TTC39B: variants seen among roughly 807,000 people sequenced by gnomAD.
The protein encoded by TTC39B is tetratricopeptide repeat protein 39B.
A neutral mutation model predicts 96.6 loss-of-function variants in TTC39B; 92 were observed. The observed-to-expected ratio is 0.95, with a 90% CI of 0.80 to 1.13. The LOEUF is 1.13. Ranked by LOEUF, TTC39B falls within the 50% of genes most tolerant of loss-of-function variation. TTC39B has a pLI of 0.00. For missense variants in TTC39B, 955 were observed against 809.3 expected, an observed-to-expected ratio of 1.18 and a Z score of -2.18; for synonymous variants, 367 against 299.4, an observed-to-expected ratio of 1.23 and a Z score of -2.33.
At chr9:15,184,970 C>A (rs1262339425) in intron 16 of TTC39B, among the ~76,000 whole-genome samples, 2 of 152,104 alleles carry the variant, frequency 1.3e-5, no homozygotes, top group African/African-American at 4.8e-5. Context: ...TCAATGGAAT[C>A]AACTTCTTTC....
chr9:15,180,077 A>G (rs1818166455), intron 17 of TTC39B, among the ~76,000 whole-genome samples: 2 of 152,194 alleles, frequency 1.3e-5, no homozygotes, highest in Admixed American at 1.3e-4. Context: ...CATTCAAAGA[A>G]AATTACATGA....
chr9:15,190,625 C>G lies in TTC39B; in HGVS notation c.1034G>C (p.Gly345Ala), dbSNP rs142818054. ...GCACAGTGCAGACCTCATGCTCCTTCCTGAAGCACCTTCACGTAACTGCAG... is the reference window on the plus strand; with the variant it reads ...GCACAGTGCAGACCTCATGCTCCTTGCTGAAGCACCTTCACGTAACTGCAG... Residue 345 changes from glycine to alanine, a missense_variant, in exon 11 of 20, where the codon GGA (glycine) becomes GCA (alanine). Coordinates refer to ENST00000512701, the Ensembl canonical transcript of TTC39B. 863 of 1,614,180 alleles carry G rather than the reference C, an allele frequency of 5.3e-4. 1 individual carries two copies. The highest frequency in any genetic ancestry group is 6.7e-4 in the Non-Finnish European group (785 of 1,180,014).
At chr9:15,173,126 T>G (rs1817748553) in intron 19 of TTC39B, among the ~76,000 whole-genome samples, 1 of 152,200 alleles carries the variant, frequency 6.6e-6, no homozygotes, top group Admixed American at 6.5e-5. Flanking sequence ...ATTTTTATCT[T>G]ATAAAGTTGC....
intron 4 of TTC39B, among the ~76,000 whole-genome samples, chr9:15,213,765 G>T (rs901399499): frequency 6.6e-6 from 1 of 152,118 alleles, no homozygotes; most frequent in African/African-American, 2.4e-5. Flanking sequence ...TAATAGCATT[G>T]AGATCAGCAT....
chr9:15,293,565 G>GGCC (rs1249494755), intron 1 of TTC39B, among the ~76,000 whole-genome samples: 1 of 150,358 alleles, frequency 6.7e-6, no homozygotes, highest in Non-Finnish European at 1.5e-5. Flanking sequence ...AGGACCTACT[G>GGCC]AGCAAGAATC....
At chr9:15,289,893 T>C (rs1177429789) in intron 1 of TTC39B, among the ~76,000 whole-genome samples, 2 of 152,170 alleles carry the variant, frequency 1.3e-5, no homozygotes, top group South Asian at 2.1e-4. Context: ...GTGGAACAAA[T>C]TATTCATGTG....
At chr9:15,170,777 C>A (rs1443075392) in exon 20 of TTC39B, 1 of 152,108 alleles carries the variant, frequency 6.6e-6, no homozygotes, top group Non-Finnish European at 1.5e-5. Flanking sequence ...CTGGATGCCA[C>A]AACACATACA....
intron 1 of TTC39B, among the ~76,000 whole-genome samples, chr9:15,290,600 A>G (rs563571904): frequency 6.6e-6 from 1 of 152,318 alleles, no homozygotes; most frequent in South Asian, 2.1e-4. Context: ...GTCTTCCTCT[A>G]CTCTATGTTT....
At chr9:15,272,571 C>T (rs971625115) in intron 1 of TTC39B, among the ~76,000 whole-genome samples, 1 of 152,236 alleles carries the variant, frequency 6.6e-6, no homozygotes, top group Non-Finnish European at 1.5e-5. Flanking sequence ...AGTGCTACTA[C>T]TGTAGGGCCT....
intron 1 of TTC39B, among the ~76,000 whole-genome samples, chr9:15,276,844 G>C (rs1229932830): frequency 6.6e-6 from 1 of 152,136 alleles, no homozygotes; most frequent in African/African-American, 2.4e-5. Context: ...CACAGAACAG[G>C]TCCGACTTAA....
intron 2 of TTC39B, chr9:15,249,693 G>A (rs912554814): frequency 9.9e-6 from 2 of 201,548 alleles, no homozygotes; most frequent in African/African-American, 2.4e-5. Flanking sequence ...CTCACCTTAG[G>A]AAGTTTTAAA....
exon 20 of TTC39B, chr9:15,167,017 TATATATA>T (rs1316704396): frequency 2.2e-3 from 20 of 8,968 alleles, no homozygotes; most frequent in African/African-American, 5.4e-3. Flanking sequence ...TATATATATA[TATATATA>T]TATATTTTTT....
At chr9:15,288,113 T>A (rs1824046400) in intron 1 of TTC39B, among the ~76,000 whole-genome samples, 1 of 152,174 alleles carries the variant, frequency 6.6e-6, no homozygotes, top group Non-Finnish European at 1.5e-5. Context: ...TTTGATAGAT[T>A]GCCAGATGAA....
At chr9:15,178,857 C>T (rs1463708795) in intron 17 of TTC39B, among the ~76,000 whole-genome samples, 3 of 152,158 alleles carry the variant, frequency 2.0e-5, no homozygotes, top group Non-Finnish European at 4.4e-5. Context: ...AAGCAGATGG[C>T]CTTATCCCCA....
exon 20 of TTC39B, chr9:15,165,998 C>T (rs1020413721): frequency 1.3e-5 from 2 of 151,908 alleles, no homozygotes; most frequent in African/African-American, 4.8e-5. Flanking sequence ...TATTTCTTTC[C>T]CAAATGGTGC....
chr9:15,276,984 C>T (rs1162494580), intron 1 of TTC39B, among the ~76,000 whole-genome samples: 1 of 152,220 alleles, frequency 6.6e-6, no homozygotes, highest in Non-Finnish European at 1.5e-5. Context: ...GTCAAAGATG[C>T]TGAGCCTCTT....
chr9:15,211,318 C>CGAAGT lies in TTC39B; in HGVS notation c.561_562insACTTC (p.Asp188ThrfsTer11). 2 of 1,593,736 alleles carry CGAAGT rather than the reference C, an allele frequency of 1.3e-6. No individual in the cohort carries two copies. The highest frequency in any genetic ancestry group is 1.7e-6 in the Non-Finnish European group (2 of 1,171,040). ...ATGGCAGAAATGCCGTTCTGGATGT[C>CGAAGT]CTGTTGCTCGAAGGTCAGGACAGCC... On this transcript the variant is annotated frameshift_variant, in exon 5 of 20. Transcript: ENST00000512701. LOFTEE classifies it high-confidence loss of function.
chr9:15,304,146 A>G (rs1241943876), intron 1 of TTC39B, among the ~76,000 whole-genome samples: 3 of 152,254 alleles, frequency 2.0e-5, no homozygotes, highest in Non-Finnish European at 2.9e-5. Context: ...ATGGTAGCCC[A>G]TAAGTATGTG....
At chr9:15,209,235 T>C (rs971099210) in intron 6 of TTC39B, among the ~76,000 whole-genome samples, 11 of 152,104 alleles carry the variant, frequency 7.2e-5, no homozygotes, top group Non-Finnish European at 5.9e-5. Flanking sequence ...AGTGTAACAC[T>C]GAAAAGACAG....
Sources: allele counts gnomAD v4.1 joint callset (sites outside exome capture counted in the v4.1 genomes callset), GRCh38; gene constraint gnomAD v4.1.1; transcripts MANE v1.5; gene names NCBI Gene and HGNC (gene_info 2026-07-23, HGNC 2026-07-21).